Variants in ZNF282 observed in about 807,000 individuals in gnomAD.
The protein encoded by ZNF282 is zinc finger protein 282.
ZNF282 carries 30 observed loss-of-function variants against 61.9 expected under a neutral mutation model. The observed-to-expected ratio is 0.48, with a 90% CI of 0.36 to 0.66. The LOEUF is 0.66. Among genes scored for constraint, ZNF282 ranks in the 30% least tolerant of loss-of-function variants. The probability of loss-of-function intolerance (pLI) is 0.00; values close to 1 mark genes in which losing one functional copy is unlikely to be tolerated. For synonymous variants in ZNF282, 396 were observed against 405.0 expected, an observed-to-expected ratio of 0.98 and a Z score of 0.27; for missense variants, 788 against 941.4, an observed-to-expected ratio of 0.84 and a Z score of 2.13.
intron 2 of ZNF282, among the ~76,000 whole-genome samples, chr7:149,200,064 T>C (rs1473308873): frequency 6.6e-6 from 1 of 152,202 alleles, no homozygotes; most frequent in Non-Finnish European, 1.5e-5. Context: ...GAGATGTCTC[T>C]TAAGTCTTTT....
At chr7:149,199,827 AC>A (rs1795881302) in intron 2 of ZNF282, among the ~76,000 whole-genome samples, 2 of 152,004 alleles carry the variant, frequency 1.3e-5, no homozygotes, top group Non-Finnish European at 2.9e-5. Flanking sequence ...TTTGAAGCAA[AC>A]CCCAGACATT....
At chr7:149,220,034 CT>C (rs1173309525) in intron 7 of ZNF282, among the ~76,000 whole-genome samples, 2 of 152,074 alleles carry the variant, frequency 1.3e-5, no homozygotes, top group Non-Finnish European at 2.9e-5. Flanking sequence ...GGAGGGGGTT[CT>C]TTTAAGGTCG....
intron 2 of ZNF282, among the ~76,000 whole-genome samples, chr7:149,204,339 GC>G (rs1182988088): frequency 6.6e-6 from 1 of 152,170 alleles, no homozygotes; most frequent in Non-Finnish European, 1.5e-5. Flanking sequence ...AGGTACAGAG[GC>G]AGAATCTAAG....
At chr7:149,200,422 T>C (rs1042597897) in intron 2 of ZNF282, among the ~76,000 whole-genome samples, 1 of 152,156 alleles carries the variant, frequency 6.6e-6, no homozygotes, top group Non-Finnish European at 1.5e-5. Context: ...CACCTCTCTC[T>C]GCTGAGTCTT....
At chr7:149,213,168 A>T (rs1009025428) in intron 6 of ZNF282, among the ~76,000 whole-genome samples, 1 of 152,208 alleles carries the variant, frequency 6.6e-6, no homozygotes, top group African/African-American at 2.4e-5. Flanking sequence ...CCTACCCACC[A>T]TACCAGGGAG....
Position 149,224,853 on chromosome 7 carries a change from C to A in ZNF282, c.*206C>A. 3.0e-6 allele frequency: 3 copies of A among 984,406 alleles called. No homozygotes were observed. The highest frequency in any genetic ancestry group is 4.3e-6 in the Non-Finnish European group (3 of 697,546). 61.0% of individuals were successfully genotyped at this position (984,406 alleles called of 1,614,324 possible). On this transcript the variant is annotated 3_prime_UTR_variant, in exon 8 of 8. Transcript: ENST00000610704. Reference sequence around the variant, plus strand: ...AGCTCATCTAGGGTGGACCCAGCTGCTGGGGAAGAGCCAGGGGGACCGCGA... The same window carrying A: ...AGCTCATCTAGGGTGGACCCAGCTGATGGGGAAGAGCCAGGGGGACCGCGA...
intron 7 of ZNF282, among the ~76,000 whole-genome samples, chr7:149,218,820 A>G (rs1359819831): frequency 1.3e-5 from 2 of 151,992 alleles, no homozygotes; most frequent in Non-Finnish European, 2.9e-5. Flanking sequence ...TGCTATATAT[A>G]TCATTACAGT....
At chr7:149,206,371 T>A (rs1243347906) in intron 2 of ZNF282, among the ~76,000 whole-genome samples, 2 of 152,168 alleles carry the variant, frequency 1.3e-5, no homozygotes, top group African/African-American at 4.8e-5. Flanking sequence ...GAGAACCCAT[T>A]ACCCCTCTGT....
At chr7:149,210,448 C>A in intron 4 of ZNF282, 137 bp from the exon 5 acceptor site, 2 of 1,445,416 alleles carry the variant, frequency 1.4e-6, no homozygotes, top group Non-Finnish European at 1.9e-6. Flanking sequence ...GTCAGCCATG[C>A]TTCTGAGCCC....
At chr7:149,220,111 C>T (rs1378294070) in intron 7 of ZNF282, among the ~76,000 whole-genome samples, 2 of 151,992 alleles carry the variant, frequency 1.3e-5, no homozygotes, top group Non-Finnish European at 2.9e-5. Flanking sequence ...ATTCAAACTG[C>T]CTTAAAGAAT....
chr7:149,196,492 G>A (rs1795818982), intron 1 of ZNF282, among the ~76,000 whole-genome samples: 1 of 152,118 alleles, frequency 6.6e-6, no homozygotes, highest in Non-Finnish European at 1.5e-5. Context: ...TATAAAACCA[G>A]GGGAGGTGGA....
intron 6 of ZNF282, among the ~76,000 whole-genome samples, chr7:149,212,684 G>A (rs772185928): frequency 7.2e-5 from 11 of 152,210 alleles, no homozygotes; most frequent in African/African-American, 1.9e-4. Flanking sequence ...GGGTTTAAGC[G>A]ATTCTCCTGC....
intron 7 of ZNF282, among the ~76,000 whole-genome samples, chr7:149,220,264 C>A (rs2129523690): frequency 6.6e-6 from 1 of 152,002 alleles, no homozygotes; most frequent in South Asian, 2.1e-4. Flanking sequence ...AAAAAATTAG[C>A]CTGGCGTAGT....
intron 4 of ZNF282, among the ~76,000 whole-genome samples, chr7:149,209,004 G>T (rs1796039860): frequency 1.4e-5 from 1 of 71,592 alleles, no homozygotes; most frequent in Admixed American, 2.2e-4. Context: ...CTGGGCTACA[G>T]AGGGAGACTT....
intron 5 of ZNF282, 131 bp downstream of exon 5, chr7:149,210,835 G>A (rs1796073646): frequency 7.6e-7 from 1 of 1,312,484 alleles, no homozygotes; most frequent in Non-Finnish European, 1.0e-6. Flanking sequence ...TGGAAGGGCT[G>A]TGCATCCAGG....
chr7:149,218,840 G>A (rs530702522), intron 7 of ZNF282, among the ~76,000 whole-genome samples: 1 of 152,262 alleles, frequency 6.6e-6, no homozygotes, highest in East Asian at 1.9e-4. Context: ...TTTTATCACA[G>A]CAAAAGGATT....
rs556474728 is a variant in ZNF282, at chr7:149,202,605, C to T, written c.585+3853C>T. Among the ~76,000 whole-genome samples, 104 of 152,070 alleles carry T rather than the reference C, an allele frequency of 6.8e-4. 1 individual carries two copies. The highest frequency in any genetic ancestry group is 6.8e-3 in the Middle Eastern group (2 of 294). On this transcript the variant is annotated intron_variant, in intron 2 of 7. Coordinates refer to ENST00000610704, the MANE Select transcript of ZNF282 (RefSeq NM_003575.4). ...CTGGGATTACAGGTGTGAGCCACCG[C>T]GCCTGGCCTAATTTTTGTATTTTTT... is the stretch of plus-strand genomic sequence containing the variant.
intron 7 of ZNF282, among the ~76,000 whole-genome samples, chr7:149,221,817 C>T (rs1318510164): frequency 3.3e-5 from 5 of 152,040 alleles, no homozygotes; most frequent in Non-Finnish European, 4.4e-5. Flanking sequence ...CAAACACCAA[C>T]GAATATAGGA....
At chr7:149,220,418 A>T (rs770713794) in intron 7 of ZNF282, among the ~76,000 whole-genome samples, 1 of 151,530 alleles carries the variant, frequency 6.6e-6, no homozygotes, top group Non-Finnish European at 1.5e-5. Flanking sequence ...TCTCCAAAAG[A>T]AAAAAAAAGA....
Sources: gnomAD v4.1 joint callset for allele counts (sites outside exome capture counted in the v4.1 genomes callset) on GRCh38, gnomAD v4.1.1 for gene constraint, MANE v1.5 for transcripts, NCBI Gene and HGNC (gene_info 2026-07-23, HGNC 2026-07-21) for gene names.